Variants in SDK1 observed in about 807,000 individuals in gnomAD.
The protein encoded by SDK1 is sidekick cell adhesion molecule 1, also known as protein sidekick-1.
In SDK1, 157 loss-of-function variants were observed where a neutral mutation model predicts 245.5. The observed-to-expected ratio is 0.64, with a 90% CI of 0.56 to 0.73. The LOEUF (loss-of-function observed/expected upper bound fraction) is 0.73. Ranked by LOEUF, SDK1 falls within the 30% of genes least tolerant of loss-of-function variation. The probability of loss-of-function intolerance (pLI) is 0.00; values close to 1 mark genes in which losing one functional copy is unlikely to be tolerated. For synonymous variants in SDK1, 1,647 were observed against 1,278.5 expected (o/e 1.29, Z -6.15); for missense variants, 3,583 against 3,002.3 (o/e 1.19, Z -4.52).
At chr7:4,077,229 C>A in intron 21 of SDK1, 40 bp downstream of exon 21, 1 of 1,583,064 alleles carries the variant, frequency 6.3e-7, no homozygotes. Context: ...TGTCACCTTT[C>A]TCTTGGAGAT....
chr7:3,952,064 C>T, intron 7 of SDK1, 144 bp downstream of exon 7: 1 of 683,666 alleles, frequency 1.5e-6, no homozygotes, highest in Admixed American at 3.1e-5. Flanking sequence ...CCTTCGAAAT[C>T]CTTCCTAGCC....
In SDK1 at chr7:3,557,285, C is replaced by G. The variant is rs188624592; in HGVS notation, c.299-61795C>G. Among the ~76,000 whole-genome samples the G allele has an allele frequency of 2.4e-3, 368 of 152,280 alleles. 3 individuals are homozygous for G. The highest frequency in any genetic ancestry group is 0.018 in the South Asian group (85 of 4,814). On this transcript the variant is annotated intron_variant, in intron 1 of 44. Transcript: ENST00000404826. ...GACAACAGTACAGATCCTAAAGCCA[C>G]TAAAGGACTCATAAAGGACAAGATT...
intron 17 of SDK1, among the ~76,000 whole-genome samples, chr7:4,025,874 C>G (rs1176002335): frequency 6.6e-6 from 1 of 152,204 alleles, no homozygotes; most frequent in Non-Finnish European, 1.5e-5. Context: ...GCCTTCCTGT[C>G]TTTCTGCCTT....
chr7:3,336,666 G>A (rs1441191465), intron 1 of SDK1, among the ~76,000 whole-genome samples: 2 of 151,910 alleles, frequency 1.3e-5, no homozygotes, highest in Non-Finnish European at 2.9e-5. Context: ...GCTCCTGGAT[G>A]CAGCAACAAA....
At chr7:4,019,368 A>T (rs1397249196) in intron 17 of SDK1, among the ~76,000 whole-genome samples, 1 of 152,198 alleles carries the variant, frequency 6.6e-6, no homozygotes, top group Non-Finnish European at 1.5e-5. Context: ...GCTGCCTCTG[A>T]CGTCAGTAGG....
chr7:3,905,853 G>A (rs1360443841), intron 5 of SDK1, among the ~76,000 whole-genome samples: 1 of 151,978 alleles, frequency 6.6e-6, no homozygotes, highest in Non-Finnish European at 1.5e-5. Flanking sequence ...TGAACTCTTG[G>A]CCTCAAGCGA....
At chr7:4,137,651 A>G (rs908176858) in intron 28 of SDK1, among the ~76,000 whole-genome samples, 1 of 152,202 alleles carries the variant, frequency 6.6e-6, no homozygotes, top group African/African-American at 2.4e-5. Context: ...TGCTCATATT[A>G]TCATAATTCA....
intron 28 of SDK1, among the ~76,000 whole-genome samples, chr7:4,144,184 G>A (rs1057059705): frequency 3.9e-5 from 6 of 152,140 alleles, no homozygotes; most frequent in African/African-American, 1.4e-4. Context: ...CCGTCTCTAG[G>A]CTGCCCTCGG....
At chr7:4,246,140 T>C (rs373514181) in intron 44 of SDK1, among the ~76,000 whole-genome samples, 122 of 152,250 alleles carry the variant, frequency 8.0e-4, no homozygotes, top group Middle Eastern at 3.4e-3. Flanking sequence ...CCAAGGCTGA[T>C]TGATGGAAGC....
chr7:3,323,246 A>AT (rs1779862035), intron 1 of SDK1, among the ~76,000 whole-genome samples: 1 of 152,198 alleles, frequency 6.6e-6, no homozygotes, highest in Non-Finnish European at 1.5e-5. Flanking sequence ...AAAAGACGTT[A>AT]TTCATTGTTA....
intron 44 of SDK1, among the ~76,000 whole-genome samples, chr7:4,250,387 A>AGGCTGGAGT (rs1454210052): frequency 6.6e-6 from 1 of 151,848 alleles, no homozygotes. Flanking sequence ...TCTGTCGCTC[A>AGGCTGGAGT]GGCTGGAGTG....
intron 9 of SDK1, among the ~76,000 whole-genome samples, chr7:3,963,635 C>T (rs1487091459): frequency 5.8e-5 from 5 of 86,944 alleles, no homozygotes; most frequent in Non-Finnish European, 1.2e-4. Context: ...CTGACCTGGA[C>T]GTATCCAGTG....
Position 3,399,258 on chromosome 7 carries a change from C to T in SDK1, c.298+97374C>T, listed in dbSNP as rs1778817296. On this transcript the variant is annotated intron_variant, in intron 1 of 44. Transcript: ENST00000404826. The stretch of plus-strand genomic sequence containing the variant: ...CTGTGGACTCCTTACATGAATATTT[C>T]CTTTCAGTTATCATACCTTTCAATT... Among the ~76,000 whole-genome samples the T allele has an allele frequency of 2.6e-5, 4 of 151,956 alleles. No homozygotes were observed. In the South Asian group the frequency reaches 8.3e-4, roughly 32 times the overall value.
chr7:3,311,926 C>A (rs953259604), intron 1 of SDK1, among the ~76,000 whole-genome samples: 1 of 152,150 alleles, frequency 6.6e-6, no homozygotes, highest in Non-Finnish European at 1.5e-5. Flanking sequence ...CTGAGGGTCT[C>A]ATGGAGGAGT....
chr7:3,428,007 G>A (rs945904369), intron 1 of SDK1, among the ~76,000 whole-genome samples: 14 of 152,142 alleles, frequency 9.2e-5, no homozygotes, highest in Non-Finnish European at 1.6e-4. Flanking sequence ...TTTCAGTGCT[G>A]TACTTTCATC....
intron 40 of SDK1, chr7:4,233,050 A>G (rs1785896713): frequency 1.8e-6 from 1 of 543,340 alleles, no homozygotes; most frequent in South Asian, 2.5e-5. Context: ...ACGTTGTTCT[A>G]CAATCATCAC....
intron 1 of SDK1, among the ~76,000 whole-genome samples, chr7:3,416,284 G>C (rs550607897): frequency 6.6e-6 from 1 of 152,082 alleles, no homozygotes; most frequent in Non-Finnish European, 1.5e-5. Flanking sequence ...TTGCCGTTCA[G>C]GGAGGAGTTG....
chr7:4,051,760 C>G lies in SDK1; in HGVS notation c.2841C>G (p.Ser947=). ...AGAAGTTTACCGCCTACTTCACTTC[C>G]GTTCTGTGCTTCACCACCCCTGGGG... ...NLKKFTAYFT[S]VLCFTTPGDG... The change falls in exon 19 of 45, where the codon TCC becomes TCG. Residue 947 remains serine, a synonymous_variant. Transcript: ENST00000404826. 6.2e-7 allele frequency: 1 copy of G among 1,614,000 alleles called. No homozygotes were observed. The highest frequency in any genetic ancestry group is 8.5e-7 in the Non-Finnish European group (1 of 1,179,958).
In SDK1 at chr7:3,675,514, C is replaced by T. The variant is rs1448012200; in HGVS notation, c.713+33409C>T. Among the ~76,000 whole-genome samples, 3 of 152,114 alleles carry T rather than the reference C, an allele frequency of 2.0e-5. No homozygotes were observed. In the East Asian group the frequency reaches 5.8e-4, roughly 29 times the overall value. Reference sequence around the variant, plus strand: ...AGTACTTAAAGTGGCCTACAAAAGTCTACATAATATGCTCCCCATTACCTT... The same window carrying T: ...AGTACTTAAAGTGGCCTACAAAAGTTTACATAATATGCTCCCCATTACCTT... On this transcript the variant is annotated intron_variant, in intron 4 of 44. Transcript: ENST00000404826.
Sources: allele counts gnomAD v4.1 joint callset (sites outside exome capture counted in the v4.1 genomes callset), GRCh38; gene constraint gnomAD v4.1.1; transcripts MANE v1.5; gene names NCBI Gene and HGNC (gene_info 2026-07-23, HGNC 2026-07-21).